CCDC73: variants seen among roughly 807,000 people sequenced by gnomAD.
CCDC73 encodes coiled-coil domain containing 73.
Under a neutral mutation model 116.5 loss-of-function variants are expected in CCDC73, and 95 were observed. That is an observed-to-expected ratio of 0.82 (90% CI 0.69 to 0.97). CCDC73 has a LOEUF of 0.97. Ranked by LOEUF, CCDC73 falls within the 50% of genes least tolerant of loss-of-function variation. The pLI, the probability that CCDC73 is intolerant of heterozygous loss-of-function variation, is 0.00. For missense variants in CCDC73, 1,066 were observed against 1,206.8 expected, an observed-to-expected ratio of 0.88 and a Z score of 1.73; for synonymous variants, 398 against 401.3, an observed-to-expected ratio of 0.99 and a Z score of 0.10.
chr11:32,812,418 C>A, the CCDC73 span, among the ~76,000 whole-genome samples: 24 of 152,158 alleles, frequency 1.6e-4, no homozygotes, highest in African/African-American at 4.6e-4. Context: ...GTAATCCCAA[C>A]ACTTTGGGAG....
chr11:32,631,832 C>T (rs1252801821), intron 14 of CCDC73, among the ~76,000 whole-genome samples: 2 of 152,090 alleles, frequency 1.3e-5, no homozygotes, highest in Non-Finnish European at 2.9e-5. Flanking sequence ...CAGAGCAAGA[C>T]CCTGTCTCTC....
intron 12 of CCDC73, among the ~76,000 whole-genome samples, chr11:32,648,258 T>C (rs757006447): frequency 1.3e-5 from 2 of 152,248 alleles, no homozygotes; most frequent in Non-Finnish European, 2.9e-5. Flanking sequence ...TAAATTACCA[T>C]TGTCCATCTG....
At position 32,635,705 on chromosome 11, in the gene CCDC73, T is replaced by C. The variant is rs746095530; in HGVS notation, c.1176A>G (p.Lys392=). The C allele has an allele frequency of 1.5e-6, 2 of 1,307,922 alleles. No individual in the cohort carries two copies. Among genetic ancestry groups the C allele is most frequent in the African/African-American group, 1.5e-5 (1 of 65,722 alleles). 81.0% of individuals were successfully genotyped at this position (1,307,922 alleles called of 1,614,324 possible). A position where few individuals can be genotyped will look rare whatever the true frequency, so the allele number is the denominator to read the frequency against. Residue 392 remains lysine (K), a synonymous_variant, in exon 14 of 18, where the codon AAA becomes AAG. Coordinates refer to ENST00000335185, the MANE Select transcript of CCDC73 (RefSeq NM_001008391.4). ...LCNQKTFEED[K]KFQNVPEVNN... ...CATACTTAAATTTTACCTGAAACTT[T>C]TTGTCTTCCTCAAATGTTTTTTGAT... is the stretch of plus-strand genomic sequence containing the variant.
intron 14 of CCDC73, among the ~76,000 whole-genome samples, chr11:32,624,907 C>T (rs1472888515): frequency 6.6e-6 from 1 of 152,214 alleles, no homozygotes. Flanking sequence ...TGGAAACCAT[C>T]ATTCTGAGCA....
At chr11:32,754,811 T>C (rs1850317551) in intron 2 of CCDC73, among the ~76,000 whole-genome samples, 1 of 151,736 alleles carries the variant, frequency 6.6e-6, no homozygotes, top group Non-Finnish European at 1.5e-5. Context: ...ACAGACTTTT[T>C]AGCATTGAAT....
At chr11:32,818,126 C>A in the CCDC73 span, among the ~76,000 whole-genome samples, 3 of 152,356 alleles carry the variant, frequency 2.0e-5, no homozygotes, top group Middle Eastern at 3.4e-3. Flanking sequence ...AATGCTCCCT[C>A]CTCTGTTGCA....
At position 32,602,826 on chromosome 11, in the gene CCDC73, GT is replaced by G; in HGVS notation, c.3224del (p.Asn1075ThrfsTer4). On this transcript the variant is annotated frameshift_variant, in exon 18 of 18. Coordinates refer to ENST00000335185, the MANE Select transcript of CCDC73 (RefSeq NM_001008391.4). LOFTEE classifies it high-confidence loss of function. Reference sequence around the variant, plus strand: ...CTTATCTACATTATTTTAATCTGTTGTTTTTTTCCAACGTCTCTTCTGCTTT... The same window carrying G: ...CTTATCTACATTATTTTAATCTGTTGTTTTTTCCAACGTCTCTTCTGCTTT... Reference protein sequence around the residue: ...KRKAEETLEKNNRLK With the variant: ...KRKAEETLEKXNRLK The G allele has an allele frequency of 6.3e-7, 1 of 1,594,078 alleles. No homozygotes were observed. Among genetic ancestry groups the G allele is most frequent in the Non-Finnish European group, 8.5e-7 (1 of 1,170,128 alleles).
chr11:32,608,721 C>T (rs953388518), intron 17 of CCDC73, among the ~76,000 whole-genome samples: 2 of 152,226 alleles, frequency 1.3e-5, no homozygotes, highest in South Asian at 2.1e-4. Flanking sequence ...AGAGGTTCTC[C>T]ATGAGAGTCC....
At chr11:32,689,403 C>A (rs535736265) in intron 6 of CCDC73, among the ~76,000 whole-genome samples, 2 of 152,134 alleles carry the variant, frequency 1.3e-5, no homozygotes, top group African/African-American at 4.8e-5. Context: ...AATGTATGAA[C>A]CACATTAAAA....
intron 9 of CCDC73, among the ~76,000 whole-genome samples, chr11:32,673,137 T>C (rs573430068): frequency 6.6e-6 from 1 of 152,256 alleles, no homozygotes; most frequent in Non-Finnish European, 1.5e-5. Context: ...TAACAAAAAA[T>C]ACACACAGAT....
chr11:32,708,860 G>A (rs1055735765), intron 3 of CCDC73, among the ~76,000 whole-genome samples: 4 of 152,156 alleles, frequency 2.6e-5, no homozygotes, highest in Admixed American at 2.0e-4. Flanking sequence ...TCCACAAACA[G>A]CGACAGTTTG....
At chr11:32,752,633 T>C (rs774948977) in intron 2 of CCDC73, among the ~76,000 whole-genome samples, 3 of 152,256 alleles carry the variant, frequency 2.0e-5, no homozygotes, top group Non-Finnish European at 4.4e-5. Flanking sequence ...ATTTTTGTTT[T>C]AATCTGCATT....
intron 2 of CCDC73, among the ~76,000 whole-genome samples, chr11:32,744,236 C>T (rs890005393): frequency 1.3e-5 from 2 of 152,150 alleles, no homozygotes; most frequent in Non-Finnish European, 2.9e-5. Flanking sequence ...GTTGAACCAG[C>T]CTTGCATCCC....
In CCDC73 at chr11:32,755,536, A is replaced by AATATATAT. The variant is rs375204188; in HGVS notation, c.135+4565_135+4572dup. Among the ~76,000 whole-genome samples, 137 of 59,912 alleles carry AATATATAT rather than the reference A, an allele frequency of 2.3e-3. 2 individuals carry two copies. Among genetic ancestry groups the AATATATAT allele is most frequent in the Admixed American group, 6.1e-3 (30 of 4,908 alleles). 39.3% of individuals were successfully genotyped at this position (59,912 alleles called of 152,430 possible). On this transcript the variant is annotated intron_variant, in intron 2 of 17. Transcript: ENST00000335185. The stretch of plus-strand genomic sequence containing the variant: ...GTGACAAAGCAAGACTCCATCTCAA[A>AATATATAT]ATATATATATATATATATATATATA...
chr11:32,778,881 C>T (rs7936690), intron 1 of CCDC73, among the ~76,000 whole-genome samples: 99,181 of 151,880 alleles, frequency 0.65, 32,470 homozygotes, highest in East Asian at 0.84. Context: ...CCAGGACAAG[C>T]AATTAAGAAG....
At chr11:32,672,399 A>G (rs1428888854) in intron 9 of CCDC73, among the ~76,000 whole-genome samples, 1 of 152,232 alleles carries the variant, frequency 6.6e-6, no homozygotes, top group Non-Finnish European at 1.5e-5. Context: ...TTTTCATTTA[A>G]TGCAAAAAAT....
chr11:32,698,202 T>A (rs960918213), intron 6 of CCDC73, among the ~76,000 whole-genome samples: 2 of 151,768 alleles, frequency 1.3e-5, no homozygotes, highest in Admixed American at 1.3e-4. Context: ...TTTTTTGTAT[T>A]TTTAGTAGAG....
In CCDC73 at chr11:32,604,344, C is replaced by G. The variant is rs555768704; in HGVS notation, c.3031-1324G>C. On this transcript the variant is annotated intron_variant, in intron 17 of 17. Transcript: ENST00000335185. ...GCTGGTCTCTCTTAACTCTTGGGCTCAAGTGATCTGACCATCTCGGTCTCC... is the reference window on the plus strand; with the variant it reads ...GCTGGTCTCTCTTAACTCTTGGGCTGAAGTGATCTGACCATCTCGGTCTCC... 2.0e-5 allele frequency: 3 copies of G among 152,272 alleles called. No homozygotes were observed. In the South Asian group the frequency reaches 6.2e-4, roughly 32 times the overall value. The allele number at this position is 152,272 out of a possible 1,614,324, so 9.4% of individuals were successfully genotyped here.
intron 2 of CCDC73, among the ~76,000 whole-genome samples, chr11:32,722,678 A>C (rs1849999975): frequency 6.6e-6 from 1 of 152,176 alleles, no homozygotes; most frequent in Non-Finnish European, 1.5e-5. Flanking sequence ...ATCTCTTCTC[A>C]AAGCAGTTGG....
Sources: allele counts gnomAD v4.1 joint callset (sites outside exome capture counted in the v4.1 genomes callset), GRCh38; gene constraint gnomAD v4.1.1; transcripts MANE v1.5; gene names NCBI Gene and HGNC (gene_info 2026-07-23, HGNC 2026-07-21).